SCHIP1: variants seen among roughly 807,000 people sequenced by gnomAD.
SCHIP1 encodes the protein schwannomin-interacting protein 1.
SCHIP1 carries 8 observed loss-of-function variants against 29.7 expected under a neutral mutation model. That is an observed-to-expected ratio of 0.27 (90% CI 0.16 to 0.49). The LOEUF is 0.49. SCHIP1 is among the 20% of genes least tolerant of loss of function. The pLI is 0.99. For missense variants in SCHIP1, 193 were observed against 294.6 expected (o/e 0.66, Z 2.52); for synonymous variants, 76 against 94.9 (o/e 0.80, Z 1.16).
the SCHIP1 span, among the ~76,000 whole-genome samples, chr3:159,427,890 G>A: frequency 6.1e-4 from 93 of 151,486 alleles, 1 homozygote; most frequent in African/African-American, 1.8e-3. Context: ...AAATAACGCC[G>A]CATATCTACA....
the SCHIP1 span, among the ~76,000 whole-genome samples, chr3:159,663,602 T>G: frequency 6.6e-6 from 1 of 152,176 alleles, no homozygotes; most frequent in South Asian, 2.1e-4. Context: ...TTTGTGAAGA[T>G]TAAATGAGGT....
the SCHIP1 span, among the ~76,000 whole-genome samples, chr3:159,594,199 G>T: frequency 6.6e-6 from 1 of 152,220 alleles, no homozygotes; most frequent in Non-Finnish European, 1.5e-5. Context: ...GGAAGAAATG[G>T]CAACTTGGTG....
the SCHIP1 span, among the ~76,000 whole-genome samples, chr3:159,595,515 G>A: frequency 6.6e-6 from 1 of 152,058 alleles, no homozygotes; most frequent in Non-Finnish European, 1.5e-5. Context: ...AGAGGTCTCT[G>A]CCCTTCAGGA....
At chr3:159,791,707 C>T in the SCHIP1 span, among the ~76,000 whole-genome samples, 71 of 152,300 alleles carry the variant, frequency 4.7e-4, no homozygotes, top group African/African-American at 1.6e-3. Context: ...CCCGTGGCTT[C>T]CTTTGCTTTC....
chr3:159,697,862 T>G, the SCHIP1 span, among the ~76,000 whole-genome samples: 3 of 152,244 alleles, frequency 2.0e-5, no homozygotes, highest in African/African-American at 7.2e-5. Flanking sequence ...CAAAGCAGAT[T>G]GCAAGTGCTA....
the SCHIP1 span, among the ~76,000 whole-genome samples, chr3:159,717,734 A>T: frequency 1.3e-5 from 2 of 152,246 alleles, no homozygotes; most frequent in Non-Finnish European, 2.9e-5. Context: ...TGAGGCAATA[A>T]TTAAGAGCCT....
chr3:159,625,823 G>A, the SCHIP1 span, among the ~76,000 whole-genome samples: 1 of 151,942 alleles, frequency 6.6e-6, no homozygotes, highest in Non-Finnish European at 1.5e-5. Flanking sequence ...CCTCCCTTCT[G>A]TATTACCCTC....
At chr3:159,312,016 G>GACAAC in the SCHIP1 span, among the ~76,000 whole-genome samples, 2 of 152,122 alleles carry the variant, frequency 1.3e-5, no homozygotes, top group Non-Finnish European at 2.9e-5. Flanking sequence ...CCATAGCCTA[G>GACAAC]ACAACACAAC....
At chr3:159,721,794 G>A in the SCHIP1 span, 1 of 432,350 alleles carries the variant, frequency 2.3e-6, no homozygotes, top group Non-Finnish European at 4.5e-6. Context: ...CCCCAGCTGG[G>A]CTTTGGCATC....
chr3:159,834,355 T>A, the SCHIP1 span, among the ~76,000 whole-genome samples: 5 of 152,036 alleles, frequency 3.3e-5, no homozygotes, highest in Admixed American at 6.6e-5. Context: ...TTCTCTTCTC[T>A]TGAATTTCTA....
the SCHIP1 span, among the ~76,000 whole-genome samples, chr3:159,825,069 T>A: frequency 6.6e-6 from 1 of 152,220 alleles, no homozygotes; most frequent in African/African-American, 2.4e-5. Context: ...GAATTCTGAC[T>A]TTTTACACTT....
the SCHIP1 span, among the ~76,000 whole-genome samples, chr3:159,443,416 T>C: frequency 6.6e-6 from 1 of 152,180 alleles, no homozygotes; most frequent in Non-Finnish European, 1.5e-5. Flanking sequence ...GCCAATCACT[T>C]TTCTCAACCC....
At chr3:159,564,399 G>A in the SCHIP1 span, among the ~76,000 whole-genome samples, 9 of 150,716 alleles carry the variant, frequency 6.0e-5, no homozygotes, top group East Asian at 3.9e-4. Context: ...TTTTTTAGAC[G>A]GAGTTTCACT....
the SCHIP1 span, among the ~76,000 whole-genome samples, chr3:159,591,919 C>T: frequency 7.8e-4 from 117 of 149,556 alleles, no homozygotes; most frequent in Middle Eastern, 3.5e-3. Context: ...CATGTATCCC[C>T]GAACTTAAAA....
the SCHIP1 span, among the ~76,000 whole-genome samples, chr3:159,301,945 G>A: frequency 1.2e-4 from 18 of 152,252 alleles, no homozygotes; most frequent in South Asian, 1.2e-3. Context: ...GCATAAATCC[G>A]TACTGGAAGT....
the SCHIP1 span, among the ~76,000 whole-genome samples, chr3:159,502,687 C>T: frequency 4.6e-5 from 7 of 151,108 alleles, no homozygotes; most frequent in Non-Finnish European, 1.0e-4. Context: ...TGTTCCCCTT[C>T]CTGTGTCCAT....
At chr3:159,496,575 G>C in the SCHIP1 span, among the ~76,000 whole-genome samples, 10 of 152,214 alleles carry the variant, frequency 6.6e-5, no homozygotes, top group African/African-American at 2.2e-4. Context: ...ACTCCAGTTA[G>C]AATGGCAATC....
At chr3:159,736,673 C>T in the SCHIP1 span, among the ~76,000 whole-genome samples, 1 of 152,178 alleles carries the variant, frequency 6.6e-6, no homozygotes, top group East Asian at 1.9e-4. Context: ...TACTGCATGC[C>T]TGCACCGGGG....
the SCHIP1 span, among the ~76,000 whole-genome samples, chr3:159,637,371 CCACACACACA>C: frequency 0.01 from 1,347 of 134,632 alleles, 26 homozygotes; most frequent in African/African-American, 0.031. Flanking sequence ...CCGGCCCCAG[CCACACACACA>C]CACACACACA....
Sources: gnomAD v4.1 joint callset for allele counts (sites outside exome capture counted in the v4.1 genomes callset) on GRCh38, gnomAD v4.1.1 for gene constraint, MANE v1.5 for transcripts, NCBI Gene and HGNC (gene_info 2026-07-23, HGNC 2026-07-21) for gene names.